Variants in TTYH2 observed in about 807,000 individuals in gnomAD.
TTYH2 encodes the protein tweety family member 2.
Under a neutral mutation model 68.3 loss-of-function variants are expected in TTYH2, and 49 were observed. The observed-to-expected ratio is 0.72, with a 90% CI of 0.57 to 0.91. The LOEUF is 0.91. Among genes scored for constraint, TTYH2 ranks in the 40% least tolerant of loss-of-function variants. The probability of loss-of-function intolerance (pLI) is 0.00; values close to 1 mark genes in which losing one functional copy is unlikely to be tolerated. For missense variants in TTYH2, 631 were observed against 700.4 expected, an observed-to-expected ratio of 0.90 and a Z score of 1.12; for synonymous variants, 272 against 300.8, an observed-to-expected ratio of 0.90 and a Z score of 0.99.
At chr17:74,248,427 A>C in intron 6 of TTYH2, 1 of 986,758 alleles carries the variant, frequency 1.0e-6, no homozygotes, top group Non-Finnish European at 1.2e-6. Flanking sequence ...GCCGCCTCTC[A>C]GCTCCATGCC....
intron 6 of TTYH2, 41 bp downstream of exon 6, chr17:74,244,090 C>A: frequency 6.3e-7 from 1 of 1,583,458 alleles, no homozygotes; most frequent in South Asian, 1.1e-5. Context: ...GGTGGTTGGT[C>A]TGCCAGGACA....
rs114843505 is a variant in TTYH2 at position 74,260,034 on chromosome 17, C to T, written c.1525-95C>T. 1.3e-3 allele frequency: 1,462 copies of T among 1,129,464 alleles called. 14 individuals carry two copies. The African/African-American group carries it at 0.017, about 14-fold the overall frequency. The allele number at this position is 1,129,464 out of a possible 1,614,324, so 70.0% of individuals were successfully genotyped here. A position where few individuals can be genotyped will look rare whatever the true frequency, so the allele number is the denominator to read the frequency against. On this transcript the variant is annotated intron_variant, in intron 13 of 13. Transcript: ENST00000269346. The stretch of plus-strand genomic sequence containing the variant: ...CACGGCCGGGTTTCCCTCTGACACC[C>T]GACCCAGTTCCACTCTGAGAAGTCC...
At position 74,244,855 on chromosome 17, in the gene TTYH2, A is replaced by AGTGTGTGT. The variant is rs58119512; in HGVS notation, c.804+827_804+834dup. On this transcript the variant is annotated intron_variant, in intron 6 of 13. Coordinates refer to ENST00000269346, the MANE Select transcript of TTYH2 (RefSeq NM_032646.6). Reference sequence around the variant, plus strand: ...CCAGGCTTTGATACAGTGGAGGTGCAGTGTGTGTGTGTGTGTGTGTGTGTG... The same window carrying AGTGTGTGT: ...CCAGGCTTTGATACAGTGGAGGTGCAGTGTGTGTGTGTGTGTGTGTGTGTGTGTGTGTG... 6.4e-3 allele frequency among the ~76,000 whole-genome samples: 953 copies of AGTGTGTGT among 149,916 alleles called. 11 individuals carry two copies. The highest frequency in any genetic ancestry group is 0.022 in the African/African-American group (902 of 41,020).
rs117168216 is a variant in TTYH2 at position 74,248,642 on chromosome 17, T to A, written c.805-369T>A. 753 of 1,132,504 alleles carry A rather than the reference T, an allele frequency of 6.6e-4. 5 individuals are homozygous for A. In the East Asian group the frequency reaches 0.015, roughly 22 times the overall value. The allele number at this position is 1,132,504 out of a possible 1,614,324, so 70.2% of individuals were successfully genotyped here. On this transcript the variant is annotated intron_variant, in intron 6 of 13. Coordinates refer to ENST00000269346, the MANE Select transcript of TTYH2 (RefSeq NM_032646.6). ...AACTCCCACACACACAGCCTGCAGCTGCCCTGGGGCCCAGGATGCTGGCCC... is the reference window on the plus strand; with the variant it reads ...AACTCCCACACACACAGCCTGCAGCAGCCCTGGGGCCCAGGATGCTGGCCC...
chr17:74,233,432 G>A (rs1318008159), intron 3 of TTYH2, among the ~76,000 whole-genome samples: 1 of 152,236 alleles, frequency 6.6e-6, no homozygotes. Flanking sequence ...ACACTCAGCT[G>A]TATGACTGTG....
Position 74,253,257 on chromosome 17 carries a change from C to T in TTYH2, c.1436C>T (p.Ser479Phe). 1 of 1,600,372 alleles carries T rather than the reference C, an allele frequency of 6.2e-7. No homozygotes were observed. The highest frequency in any genetic ancestry group is 8.5e-7 in the Non-Finnish European group (1 of 1,174,486). Residue 479 changes from serine (S) to phenylalanine (F), a missense_variant, in exon 12 of 14, where the codon TCC becomes TTC. Physicochemically the swap from Ser to Phe is radical, Grantham distance 155. Transcript: ENST00000269346. ...PAQTISNAPV[S>F]EYMNQAMLFG... is the part of the protein sequence containing the mutation. ...CAGACCATCTCCAACGCCCCTGTCT[C>T]CGAGTACATGTACGGCCTGCACACA...
intron 1 of TTYH2, among the ~76,000 whole-genome samples, chr17:74,216,702 G>T (rs11650192): frequency 0.046 from 7,028 of 152,302 alleles, 392 homozygotes; most frequent in African/African-American, 0.13. Context: ...CATGAGAGGT[G>T]AGCACCAAGG....
intron 13 of TTYH2, among the ~76,000 whole-genome samples, chr17:74,254,429 A>G (rs2050672515): frequency 2.0e-5 from 3 of 152,170 alleles, no homozygotes; most frequent in African/African-American, 7.2e-5. Context: ...CGGCCTCCCA[A>G]AGTGCTGGGA....
Position 74,215,326 on chromosome 17 carries a change from G to A in TTYH2, c.129+1610G>A, listed in dbSNP as rs1208019959. Among the ~76,000 whole-genome samples the A allele has an allele frequency of 6.6e-6, 1 of 151,972 alleles. No individual in the cohort carries two copies. Among genetic ancestry groups the A allele is most frequent in the Admixed American group, 6.6e-5 (1 of 15,262 alleles). On this transcript the variant is annotated intron_variant, in intron 1 of 13. Transcript: ENST00000269346. The surrounding 1 kb of genome is among the most constrained non-coding windows in gnomAD (Gnocchi z 4.3). ...CAAGAAGACCCCTAGGTGGGGGTAG[G>A]GATGGTAAGGGGACTCCCTCACCCT...
At position 74,222,840 on chromosome 17, in the gene TTYH2, G is replaced by A. The variant is rs1474678950; in HGVS notation, c.302+183G>A. Among the ~76,000 whole-genome samples, 1 of 152,006 alleles carries A rather than the reference G, an allele frequency of 6.6e-6. No homozygotes were observed. The highest frequency in any genetic ancestry group is 1.5e-5 in the Non-Finnish European group (1 of 67,984). On this transcript the variant is annotated intron_variant, in intron 2 of 13. Coordinates refer to ENST00000269346, the MANE Select transcript of TTYH2 (RefSeq NM_032646.6). The surrounding 1 kb of genome is among the most constrained non-coding windows in gnomAD (Gnocchi z 5.2). ...AATCAGATGCCTGGGGTGGTGATGG[G>A]GTCTCCAGAAAGGTCTCCCAAGTGG... is the stretch of plus-strand genomic sequence containing the variant.
At chr17:74,255,346 C>T (rs2050682491) in intron 13 of TTYH2, among the ~76,000 whole-genome samples, 1 of 152,336 alleles carries the variant, frequency 6.6e-6, no homozygotes, top group South Asian at 2.1e-4. Flanking sequence ...AGCGTACGTG[C>T]GAAGCATCCA....
chr17:74,240,197 G>A (rs2050484902), intron 4 of TTYH2, among the ~76,000 whole-genome samples: 1 of 152,184 alleles, frequency 6.6e-6, no homozygotes, highest in African/African-American at 2.4e-5. Flanking sequence ...CCAGCACTTT[G>A]GGAGGCTGAG....
chr17:74,234,730 G>T (rs1271046262), intron 3 of TTYH2, among the ~76,000 whole-genome samples: 1 of 152,124 alleles, frequency 6.6e-6, no homozygotes, highest in African/African-American at 2.4e-5. Context: ...AAAACAAGTG[G>T]CCTCACAGAA....
chr17:74,248,400 C>T, intron 6 of TTYH2: 1 of 987,046 alleles, frequency 1.0e-6, no homozygotes. Context: ...GCCAGGTCCT[C>T]CAGCTCATAA....
chr17:74,215,612 A>G lies in TTYH2; in HGVS notation c.129+1896A>G, dbSNP rs1598210242. ...TGCCCACTGGCTCCTGGTCCCGCTC[A>G]CCCCCTCACCACCACTCAGATCGCT... is the stretch of plus-strand genomic sequence containing the variant. On this transcript the variant is annotated intron_variant, in intron 1 of 13. Transcript: ENST00000269346. The surrounding 1 kb of genome is among the most constrained non-coding windows in gnomAD (Gnocchi z 4.3). 1.3e-6 allele frequency: 2 copies of G among 1,534,892 alleles called. No individual in the cohort carries two copies. Among genetic ancestry groups the G allele is most frequent in the Admixed American group, 3.9e-5 (2 of 50,938 alleles).
chr17:74,218,531 C>CAAA (rs549417385), intron 1 of TTYH2, among the ~76,000 whole-genome samples: 2 of 128,454 alleles, frequency 1.6e-5, no homozygotes, highest in African/African-American at 2.9e-5. Context: ...AAAAGGAAAT[C>CAAA]AAAAAAAAAA....
chr17:74,243,904 G>T (rs2050527356), intron 5 of TTYH2, 73 bp from the exon 6 acceptor site: 6 of 1,444,716 alleles, frequency 4.2e-6, no homozygotes, highest in Non-Finnish European at 5.7e-6. Flanking sequence ...GGGTCTGGGG[G>T]CAGGGTGGGT....
intron 2 of TTYH2, 54 bp from the exon 3 acceptor site, chr17:74,230,834 A>G: frequency 6.3e-7 from 1 of 1,577,970 alleles, no homozygotes; most frequent in South Asian, 1.1e-5. Context: ...TAATATAAGC[A>G]AACATTCTCC....
Position 74,232,802 on chromosome 17 carries a change from T to A in TTYH2, c.414+1803T>A, listed in dbSNP as rs979687656. On this transcript the variant is annotated intron_variant, in intron 3 of 13. Coordinates refer to ENST00000269346, the MANE Select transcript of TTYH2 (RefSeq NM_032646.6). The surrounding 1 kb of genome is among the most constrained non-coding windows in gnomAD (Gnocchi z 5.1). ...TTTAGAGAAACTCCCAGAACTCCCT[T>A]ATGGGAAAACATCAAGTCCTAGAAG... is the stretch of plus-strand genomic sequence containing the variant. 6.6e-6 allele frequency among the ~76,000 whole-genome samples: 1 copy of A among 152,142 alleles called. No individual in the cohort carries two copies. The highest frequency in any genetic ancestry group is 2.4e-5 in the African/African-American group (1 of 41,440).
Sources: gnomAD v4.1 joint callset for allele counts (sites outside exome capture counted in the v4.1 genomes callset) on GRCh38, gnomAD v4.1.1 for gene constraint, Gnocchi (gnomAD v3.1) non-coding constraint, MANE v1.5 for transcripts, NCBI Gene and HGNC (gene_info 2026-07-23, HGNC 2026-07-21) for gene names.